Variants in ABCC1 observed in about 807,000 individuals in gnomAD.
The protein encoded by ABCC1 is multidrug resistance-associated protein 1.
In ABCC1, 83 loss-of-function variants were observed where a neutral mutation model predicts 172.9. That is an observed-to-expected ratio of 0.48 (90% confidence interval 0.40 to 0.58). The LOEUF (loss-of-function observed/expected upper bound fraction) is 0.58, where lower values mean the gene tolerates loss of function less well. ABCC1 is among the 20% of genes least tolerant of loss of function. ABCC1 has a pLI of 0.00. For missense variants in ABCC1, 1,817 were observed against 2,002.7 expected, an observed-to-expected ratio of 0.91 and a Z score of 1.77; for synonymous variants, 937 against 825.2, an observed-to-expected ratio of 1.14 and a Z score of -2.32.
At chr16:16,076,259 G>C in intron 14 of ABCC1, 67 bp from the exon 15 acceptor site, 1 of 1,476,090 alleles carries the variant, frequency 6.8e-7, no homozygotes, top group Non-Finnish European at 9.4e-7. Context: ...AGCAGAGAAA[G>C]AGAGTGTTCT....
intron 7 of ABCC1, among the ~76,000 whole-genome samples, chr16:16,041,152 A>G (rs775625924): frequency 1.3e-4 from 19 of 144,738 alleles, no homozygotes; most frequent in Non-Finnish European, 2.2e-4. Flanking sequence ...GGCTGTTCTC[A>G]AGCTCCTGAG....
intron 1 of ABCC1, among the ~76,000 whole-genome samples, chr16:15,973,270 C>T (rs756954900): frequency 1.3e-5 from 2 of 151,976 alleles, no homozygotes; most frequent in African/African-American, 2.4e-5. Context: ...TTCTTTAAAT[C>T]GCCTATTATC....
intron 1 of ABCC1, among the ~76,000 whole-genome samples, chr16:15,960,965 ACCTT>A (rs949042482): frequency 6.6e-6 from 1 of 150,808 alleles, no homozygotes; most frequent in African/African-American, 2.4e-5. Context: ...AGAAGCAAGA[ACCTT>A]CTGATCTGTT....
chr16:16,095,529 C>G (rs141310786), intron 19 of ABCC1, among the ~76,000 whole-genome samples: 21 of 152,302 alleles, frequency 1.4e-4, no homozygotes, highest in African/African-American at 4.3e-4. Context: ...CCCTGCCCCC[C>G]GTGACAGGGA....
chr16:16,036,380 C>A, intron 6 of ABCC1, 92 bp from the exon 7 acceptor site: 1 of 1,214,576 alleles, frequency 8.2e-7, no homozygotes, highest in Non-Finnish European at 1.2e-6. Context: ...AGGGGAGCAG[C>A]ATCAGCAGGC....
chr16:16,038,561 G>C (rs2048843968), intron 7 of ABCC1, among the ~76,000 whole-genome samples: 1 of 152,082 alleles, frequency 6.6e-6, no homozygotes, highest in Non-Finnish European at 1.5e-5. Context: ...ACCCACATGG[G>C]GCGAGGATGG....
intron 17 of ABCC1, among the ~76,000 whole-genome samples, chr16:16,086,139 G>A (rs1172000274): frequency 6.6e-6 from 1 of 152,188 alleles, no homozygotes; most frequent in Non-Finnish European, 1.5e-5. Context: ...ATGAGACTAA[G>A]GGATCACGGC....
intron 1 of ABCC1, among the ~76,000 whole-genome samples, chr16:15,954,365 CCCTT>C (rs1327960799): frequency 4.6e-5 from 7 of 152,200 alleles, no homozygotes; most frequent in African/African-American, 1.7e-4. Flanking sequence ...TCCTTCCAGA[CCCTT>C]CCTCTCTCCC....
chr16:16,021,982 A>G (rs1015352676), intron 5 of ABCC1, among the ~76,000 whole-genome samples: 2 of 152,020 alleles, frequency 1.3e-5, no homozygotes, highest in African/African-American at 2.4e-5. Context: ...CAACGGGACA[A>G]CCTGTTTGCT....
intron 27 of ABCC1, among the ~76,000 whole-genome samples, chr16:16,133,353 G>A (rs2045778953): frequency 6.6e-6 from 1 of 151,454 alleles, no homozygotes; most frequent in Non-Finnish European, 1.5e-5. Flanking sequence ...GAGCAGAGTG[G>A]GTGATGTTCT....
chr16:15,978,094 C>T (rs2046532779), intron 1 of ABCC1, among the ~76,000 whole-genome samples: 1 of 152,080 alleles, frequency 6.6e-6, no homozygotes, highest in South Asian at 2.1e-4. Flanking sequence ...GTATTGGTTG[C>T]ACATGGTGCT....
At chr16:15,957,395 C>T (rs948857806) in intron 1 of ABCC1, among the ~76,000 whole-genome samples, 7 of 151,442 alleles carry the variant, frequency 4.6e-5, no homozygotes, top group African/African-American at 7.3e-5. Context: ...AGAACAGCTT[C>T]TATTTCATCT....
chr16:15,968,442 C>T (rs536635444), intron 1 of ABCC1, among the ~76,000 whole-genome samples: 2 of 152,190 alleles, frequency 1.3e-5, no homozygotes, highest in East Asian at 3.9e-4. Context: ...GAGTCTTGCT[C>T]TATTACCCAG....
intron 3 of ABCC1, among the ~76,000 whole-genome samples, chr16:16,011,859 G>A (rs2047797157): frequency 6.6e-6 from 1 of 151,924 alleles, no homozygotes; most frequent in Admixed American, 6.6e-5. Flanking sequence ...AGTAGAGATG[G>A]GATTTCACCA....
intron 1 of ABCC1, among the ~76,000 whole-genome samples, chr16:15,993,568 C>T (rs1353295652): frequency 1.3e-5 from 2 of 152,066 alleles, no homozygotes; most frequent in Non-Finnish European, 2.9e-5. Flanking sequence ...AGGCCAGCGA[C>T]GCCACTCAGT....
At chr16:16,006,966 GT>G (rs2047563393) in intron 1 of ABCC1, among the ~76,000 whole-genome samples, 2 of 151,980 alleles carry the variant, frequency 1.3e-5, no homozygotes, top group Non-Finnish European at 2.9e-5. Context: ...GGTGGTGATG[GT>G]CATAGTGGGG....
At chr16:16,009,268 T>A (rs1186770912) in intron 2 of ABCC1, among the ~76,000 whole-genome samples, 1 of 152,242 alleles carries the variant, frequency 6.6e-6, no homozygotes, top group Non-Finnish European at 1.5e-5. Flanking sequence ...ACTGATTTTT[T>A]AATCTTTTGC....
intron 23 of ABCC1, among the ~76,000 whole-genome samples, 172 bp from the exon 24 acceptor site, chr16:16,121,803 C>T (rs1397348653): frequency 2.0e-5 from 3 of 152,190 alleles, no homozygotes; most frequent in Non-Finnish European, 4.4e-5. Flanking sequence ...ATTGGTGGTG[C>T]TATTCCTGTG....
intron 10 of ABCC1, among the ~76,000 whole-genome samples, chr16:16,048,708 C>T (rs995925536): frequency 5.9e-5 from 9 of 152,222 alleles, no homozygotes; most frequent in East Asian, 3.9e-4. Flanking sequence ...CCTAAGTGGC[C>T]GGTTGCAGAG....
Sources: allele counts gnomAD v4.1 joint callset (sites outside exome capture counted in the v4.1 genomes callset), GRCh38; gene constraint gnomAD v4.1.1; transcripts MANE v1.5; gene names NCBI Gene and HGNC (gene_info 2026-07-23, HGNC 2026-07-21).